BPNT1: variants seen among roughly 807,000 people sequenced by gnomAD.
BPNT1 encodes 3'(2'), 5'-bisphosphate nucleotidase 1.
Under a neutral mutation model 36.9 loss-of-function variants are expected in BPNT1, and 28 were observed. The observed-to-expected ratio is 0.76, with a 90% CI of 0.56 to 1.04. The LOEUF is 1.04. Among genes scored for constraint, BPNT1 ranks in the 50% least tolerant of loss-of-function variants. The pLI is 0.00. For synonymous variants in BPNT1, 119 were observed against 130.9 expected, an observed-to-expected ratio of 0.91 and a Z score of 0.62; for missense variants, 313 against 372.9, an observed-to-expected ratio of 0.84 and a Z score of 1.32.
At position 220,068,474 on chromosome 1, in the gene BPNT1, G is replaced by A. The variant is rs541252349; in HGVS notation, c.382+910C>T. Reference sequence around the variant, plus strand: ...TGGGATTACAGGCATAAGCCACCACGCCTGGCCTAGATCTTAAGTTTAAAA... The same window carrying A: ...TGGGATTACAGGCATAAGCCACCACACCTGGCCTAGATCTTAAGTTTAAAA... On this transcript the variant is annotated intron_variant, in intron 5 of 8. Transcript: ENST00000322067. 1.3e-4 allele frequency among the ~76,000 whole-genome samples: 19 copies of A among 149,908 alleles called. 1 individual carries two copies. In the South Asian group the frequency reaches 3.8e-3, roughly 30 times the overall value.
intron 7 of BPNT1, among the ~76,000 whole-genome samples, chr1:220,062,300 C>A (rs1432116815): frequency 1.6e-5 from 2 of 124,204 alleles, no homozygotes; most frequent in East Asian, 5.6e-4. Context: ...CCCCTCCCCC[C>A]ACCCCACAAC....
chr1:220,088,764 T>TG (rs1655999686), intron 1 of BPNT1, among the ~76,000 whole-genome samples: 1 of 142,130 alleles, frequency 7.0e-6, no homozygotes, highest in Non-Finnish European at 1.5e-5. Context: ...TACTCCAGCC[T>TG]GGGGGACAGA....
intron 1 of BPNT1, among the ~76,000 whole-genome samples, chr1:220,080,752 A>G (rs1387757585): frequency 6.6e-6 from 1 of 152,228 alleles, no homozygotes; most frequent in Non-Finnish European, 1.5e-5. Context: ...GCCTCACCAC[A>G]TCAGAGGGAT....
intron 6 of BPNT1, 167 bp downstream of exon 6, chr1:220,067,135 A>AC (rs1365666868): frequency 2.9e-5 from 6 of 209,454 alleles, no homozygotes; most frequent in Non-Finnish European, 4.6e-5. Context: ...GCTAAAAAAA[A>AC]AGTTAAAAAT....
chr1:220,073,816 C>T (rs1024570021), intron 3 of BPNT1, 151 bp downstream of exon 3: 4 of 738,780 alleles, frequency 5.4e-6, no homozygotes, highest in African/African-American at 3.6e-5. Flanking sequence ...ATATTTTCCC[C>T]AAGTCCAAGG....
chr1:220,074,920 A>T (rs1029985339), intron 2 of BPNT1, among the ~76,000 whole-genome samples: 2 of 152,194 alleles, frequency 1.3e-5, no homozygotes, highest in Non-Finnish European at 2.9e-5. Context: ...GAAAGAGAAA[A>T]GTTTTGCAAG....
chr1:220,059,942 G>A, intron 7 of BPNT1, 151 bp from the exon 8 acceptor site: 2 of 557,790 alleles, frequency 3.6e-6, no homozygotes, highest in Non-Finnish European at 3.1e-6. Flanking sequence ...GCTTTTAGCA[G>A]GTTTAAATTA....
At chr1:220,077,926 C>T (rs770644221) in intron 2 of BPNT1, among the ~76,000 whole-genome samples, 1 of 152,006 alleles carries the variant, frequency 6.6e-6, no homozygotes, top group Non-Finnish European at 1.5e-5. Flanking sequence ...CCCATAATCT[C>T]AGCACCTTGG....
chr1:220,080,588 G>A (rs900104901), intron 1 of BPNT1, among the ~76,000 whole-genome samples: 3 of 152,176 alleles, frequency 2.0e-5, no homozygotes, highest in African/African-American at 4.8e-5. Flanking sequence ...AGAGCCAAGC[G>A]AAGCGGGAGA....
At position 220,059,054 on chromosome 1, in the gene BPNT1, T is replaced by C. The variant is rs867646242; in HGVS notation, c.779-62A>G. Reference sequence around the variant, plus strand: ...GCTAATTGGATTGTGGTTTTTCTAGTTATTTTTAAGTGCCTTTTGCTTCCT... The same window carrying C: ...GCTAATTGGATTGTGGTTTTTCTAGCTATTTTTAAGTGCCTTTTGCTTCCT... On this transcript the variant is annotated intron_variant, in intron 8 of 8. Transcript: ENST00000322067. 2.5e-6 allele frequency: 4 copies of C among 1,578,324 alleles called. No individual in the cohort carries two copies. In the South Asian group the frequency reaches 3.4e-5, roughly 13 times the overall value.
At chr1:220,067,487 G>A in intron 5 of BPNT1, 94 bp from the exon 6 acceptor site, 1 of 773,102 alleles carries the variant, frequency 1.3e-6, no homozygotes, top group South Asian at 1.8e-5. Context: ...TTGCAGTTAA[G>A]GTATGGAATT....
intron 2 of BPNT1, among the ~76,000 whole-genome samples, chr1:220,075,288 C>T (rs1230922264): frequency 6.6e-6 from 1 of 152,144 alleles, no homozygotes; most frequent in Non-Finnish European, 1.5e-5. Context: ...ATGATCCGCC[C>T]ACCTCGGGCT....
chr1:220,078,206 A>AG (rs201312727), intron 2 of BPNT1, among the ~76,000 whole-genome samples: 28 of 147,846 alleles, frequency 1.9e-4, no homozygotes, highest in African/African-American at 6.7e-4. Context: ...AAAAAAAAAA[A>AG]GATTATAATA....
chr1:220,069,867 C>T (rs1391580284), intron 4 of BPNT1, among the ~76,000 whole-genome samples: 2 of 151,506 alleles, frequency 1.3e-5, no homozygotes, highest in South Asian at 2.1e-4. Flanking sequence ...ACTCAGGAGG[C>T]GGAGGTAGCA....
intron 4 of BPNT1, among the ~76,000 whole-genome samples, chr1:220,070,296 T>C (rs1161190969): frequency 6.6e-6 from 1 of 152,128 alleles, no homozygotes; most frequent in Non-Finnish European, 1.5e-5. Flanking sequence ...TTATGTGAAT[T>C]TCTGAGTGAG....
At position 220,059,707 on chromosome 1, in the gene BPNT1, C is replaced by G; in HGVS notation, c.757G>C (p.Val253Leu). The change falls in exon 8 of 9, where the codon GTT becomes CTT. Residue 253 changes from valine to leucine, a missense_variant. Transcript: ENST00000322067. ...CKKWDTCAPE[V>L]ILHAVGGKLT... ...TAACCTCCCACAGCATGTAAAATAA[C>G]TTCTGGAGCACAAGTATCCCACTTC... The G allele has an allele frequency of 2.5e-6, 4 of 1,608,916 alleles. No individual in the cohort carries two copies. The highest frequency in any genetic ancestry group is 3.4e-6 in the Non-Finnish European group (4 of 1,178,404).
At chr1:220,085,545 C>T (rs1012886852) in intron 1 of BPNT1, among the ~76,000 whole-genome samples, 2 of 152,148 alleles carry the variant, frequency 1.3e-5, no homozygotes, top group African/African-American at 4.8e-5. Flanking sequence ...AGCGCTTTAC[C>T]TGGCACAAGG....
intron 2 of BPNT1, among the ~76,000 whole-genome samples, chr1:220,075,759 T>C (rs1319807069): frequency 6.6e-6 from 1 of 152,184 alleles, no homozygotes; most frequent in African/African-American, 2.4e-5. Context: ...GATTTTGCTG[T>C]TTTTTTAAAA....
intron 1 of BPNT1, among the ~76,000 whole-genome samples, chr1:220,081,151 G>T (rs1343466434): frequency 6.6e-6 from 1 of 152,166 alleles, no homozygotes. Context: ...TGGCCAGGCT[G>T]GTTTTGAACT....
Sources: gnomAD v4.1 joint callset for allele counts (sites outside exome capture counted in the v4.1 genomes callset) on GRCh38, gnomAD v4.1.1 for gene constraint, MANE v1.5 for transcripts, NCBI Gene and HGNC (gene_info 2026-07-23, HGNC 2026-07-21) for gene names.